The following CDH2 variants were observed in gnomAD, a reference collection of about 807,000 sequenced individuals.
CDH2 encodes cadherin-2.
CDH2 carries 17 observed loss-of-function variants against 92.0 expected under a neutral mutation model. The observed-to-expected ratio is 0.18, with a 90% CI of 0.13 to 0.28. The LOEUF (loss-of-function observed/expected upper bound fraction) is 0.28. Ranked by LOEUF, CDH2 falls within the 10% of genes least tolerant of loss-of-function variation. The pLI, the probability that CDH2 is intolerant of heterozygous loss-of-function variation, is 1.00. For missense variants in CDH2, 862 were observed against 1,133.1 expected (o/e 0.76, Z 3.44); for synonymous variants, 419 against 415.9 (o/e 1.01, Z -0.09).
intron 1 of CDH2, among the ~76,000 whole-genome samples, chr18:28,169,132 C>A (rs746772464): frequency 6.6e-6 from 1 of 152,098 alleles, no homozygotes; most frequent in African/African-American, 2.4e-5. Flanking sequence ...TTAATACTAA[C>A]AGACATTGGC....
intron 14 of CDH2, among the ~76,000 whole-genome samples, chr18:27,975,048 T>TAA (rs148484597): frequency 2.0e-5 from 3 of 152,000 alleles, no homozygotes; most frequent in African/African-American, 7.3e-5. Flanking sequence ...CTTTAAAACT[T>TAA]AAAAAAACAC....
intron 6 of CDH2, among the ~76,000 whole-genome samples, chr18:27,937,322 G>GT (rs567773802): frequency 3.8e-4 from 58 of 152,006 alleles, no homozygotes; most frequent in African/African-American, 1.3e-3. Flanking sequence ...ACATGACTAA[G>GT]TTTTTTTTCC....
chr18:27,951,322 A>G lies in CDH2; in HGVS notation c.*831T>C, dbSNP rs1256348832. 1 of 152,510 alleles carries G rather than the reference A, an allele frequency of 6.6e-6. No individual in the cohort carries two copies. The highest frequency in any genetic ancestry group is 1.5e-5 in the Non-Finnish European group (1 of 68,012). 9.4% of individuals were successfully genotyped at this position (152,510 alleles called of 1,614,324 possible). On this transcript the variant is annotated 3_prime_UTR_variant, in exon 16 of 16. Transcript: ENST00000269141. ...ATTGAATCAAATGTCACTGTTTTGT[A>G]AATACTTTATCCATAACGAAAGATA...
intron 6 of CDH2, among the ~76,000 whole-genome samples, chr18:27,941,542 A>G (rs1232200496): frequency 1.3e-5 from 2 of 152,188 alleles, no homozygotes; most frequent in African/African-American, 4.8e-5. Flanking sequence ...CTGATTAACG[A>G]AAGCAATTAG....
At chr18:27,939,681 T>A (rs1156826738) in intron 6 of CDH2, among the ~76,000 whole-genome samples, 5 of 152,228 alleles carry the variant, frequency 3.3e-5, no homozygotes, top group Admixed American at 3.3e-4. Flanking sequence ...AAAGACTTCC[T>A]TCCTGGGAGT....
intron 2 of CDH2, among the ~76,000 whole-genome samples, chr18:28,134,288 T>C (rs2015825478): frequency 1.3e-5 from 2 of 152,158 alleles, no homozygotes; most frequent in South Asian, 2.1e-4. Context: ...ATTTCTTAAA[T>C]AGAAGACATT....
In CDH2 at chr18:27,990,277, C is replaced by T. The variant is rs778109471; in HGVS notation, c.1418G>A (p.Gly473Glu). The T allele has an allele frequency of 5.0e-6, 8 of 1,613,886 alleles. No homozygotes were observed. Among genetic ancestry groups the T allele is most frequent in the Non-Finnish European group, 6.8e-6 (8 of 1,179,856 alleles). ...AAENQVPLAK[G>E]IQHPPQSTAT... ...AGTTGACTGAGGGGGGTGCTGAATT[C>T]CCTTGGCTAATGGCACTTGATTTTC... The change falls in exon 10 of 16, where the codon GGA (glycine) becomes GAA (glutamate). Residue 473 changes from glycine to glutamate, a missense_variant. Physicochemically the swap from Gly to Glu is moderately conservative, Grantham distance 98. Transcript: ENST00000269141.
rs577442711 is a variant in CDH2, at chr18:28,005,238, G to T, written c.847+611C>A. Among the ~76,000 whole-genome samples, 47 of 152,204 alleles carry T rather than the reference G, an allele frequency of 3.1e-4. No individual in the cohort carries two copies. The South Asian group carries it at 9.5e-3, about 31-fold the overall frequency. On this transcript the variant is annotated intron_variant, in intron 6 of 15. Transcript: ENST00000269141. ...AAATACCACTTTACAATCATGAGTGGCTTTCCACAAGTGCTATTTCTAGGC... is the reference window on the plus strand; with the variant it reads ...AAATACCACTTTACAATCATGAGTGTCTTTCCACAAGTGCTATTTCTAGGC...
At chr18:27,949,941 AGTGTT>A (rs1909371418), downstream of CDH2, among the ~76,000 whole-genome samples, 1 of 152,052 alleles carries the variant, frequency 6.6e-6, no homozygotes. Flanking sequence ...TCATTTAAAC[AGTGTT>A]TATCTAAATG....
At chr18:27,933,974 A>C (rs1753563497) in intron 6 of CDH2, among the ~76,000 whole-genome samples, 1 of 152,240 alleles carries the variant, frequency 6.6e-6, no homozygotes, top group Non-Finnish European at 1.5e-5. Context: ...TCACTGAAAT[A>C]ACATAAATTA....
At chr18:28,067,038 A>G (rs2014522346) in intron 2 of CDH2, among the ~76,000 whole-genome samples, 1 of 152,200 alleles carries the variant, frequency 6.6e-6, no homozygotes, top group Admixed American at 6.5e-5. Flanking sequence ...TGTACTAACA[A>G]ATAGACTGCA....
intron 2 of CDH2, among the ~76,000 whole-genome samples, chr18:28,100,735 A>G (rs890266703): frequency 2.0e-5 from 3 of 152,172 alleles, no homozygotes; most frequent in African/African-American, 7.2e-5. Flanking sequence ...TTGCATTCCC[A>G]AAGTTGGAAG....
At chr18:27,944,575 C>G (rs78403021) in intron 6 of CDH2, among the ~76,000 whole-genome samples, 2,781 of 152,052 alleles carry the variant, frequency 0.018, 26 homozygotes, top group Non-Finnish European at 0.029. Flanking sequence ...TTCTAATCAA[C>G]AGGCTTCACC....
At chr18:28,015,297 T>C (rs540682314) in intron 2 of CDH2, among the ~76,000 whole-genome samples, 2 of 152,328 alleles carry the variant, frequency 1.3e-5, no homozygotes, top group Admixed American at 6.5e-5. Context: ...ATGCCATCTA[T>C]ATTATCTTTC....
chr18:28,050,553 A>C (rs2014170055), intron 2 of CDH2, among the ~76,000 whole-genome samples: 1 of 152,124 alleles, frequency 6.6e-6, no homozygotes, highest in South Asian at 2.1e-4. Flanking sequence ...TCCCACAGCT[A>C]ATGGGCTGCA....
intron 6 of CDH2, among the ~76,000 whole-genome samples, 155 bp downstream of exon 6, chr18:28,005,694 C>T (rs1413244676): frequency 6.6e-6 from 1 of 151,724 alleles, no homozygotes; most frequent in Admixed American, 6.6e-5. Context: ...ATTGGTTTTT[C>T]CCTAAGTTAC....
intron 2 of CDH2, chr18:28,097,124 T>C (rs1330891048): frequency 6.6e-6 from 1 of 152,218 alleles, no homozygotes. Flanking sequence ...GTCTCCCTTG[T>C]AGCTGACGGT....
chr18:28,007,165 A>AAAAAAAAAATATAT (rs1172779200), intron 5 of CDH2, among the ~76,000 whole-genome samples: 2 of 110,502 alleles, frequency 1.8e-5, no homozygotes, highest in African/African-American at 4.4e-5. Flanking sequence ...ATAAAAAAAA[A>AAAAAAAAAATATAT]ATATATATAT....
intron 14 of CDH2, among the ~76,000 whole-genome samples, chr18:27,971,471 C>T (rs1018779709): frequency 1.2e-4 from 19 of 152,140 alleles, no homozygotes; most frequent in African/African-American, 4.1e-4. Context: ...ATCTAAAATA[C>T]TGTGTCACTT....
Sources: allele counts gnomAD v4.1 joint callset (sites outside exome capture counted in the v4.1 genomes callset), GRCh38; gene constraint gnomAD v4.1.1; transcripts MANE v1.5; gene names NCBI Gene and HGNC (gene_info 2026-07-23, HGNC 2026-07-21).